Variants in ADAM18 observed in about 807,000 individuals in gnomAD.
The protein encoded by ADAM18 is ADAM metallopeptidase domain 18.
ADAM18 carries 117 observed loss-of-function variants against 94.4 expected under a neutral mutation model. The observed-to-expected ratio is 1.24, with a 90% CI of 1.07 to 1.45. The LOEUF (loss-of-function observed/expected upper bound fraction) is 1.45, where lower values mean the gene tolerates loss of function less well. Ranked by LOEUF, ADAM18 falls within the 40% of genes most tolerant of loss-of-function variation. ADAM18 has a pLI of 0.00. For synonymous variants in ADAM18, 327 were observed against 291.6 expected (o/e 1.12, Z -1.24); for missense variants, 936 against 880.0 (o/e 1.06, Z -0.81).
intron 7 of ADAM18, among the ~76,000 whole-genome samples, chr8:39,632,630 AT>A (rs1819960598): frequency 6.6e-6 from 1 of 151,842 alleles, no homozygotes; most frequent in African/African-American, 2.4e-5. Flanking sequence ...TCTTATAATG[AT>A]TTTTCTTCTT....
At chr8:39,672,834 A>G (rs1821192348) in intron 14 of ADAM18, among the ~76,000 whole-genome samples, 1 of 152,210 alleles carries the variant, frequency 6.6e-6, no homozygotes, top group Non-Finnish European at 1.5e-5. Flanking sequence ...ATTAATATCC[A>G]GAAGCCCAAT....
chr8:39,729,466 A>G (rs1563324230), intron 19 of ADAM18, among the ~76,000 whole-genome samples: 1 of 152,162 alleles, frequency 6.6e-6, no homozygotes, highest in Non-Finnish European at 1.5e-5. Flanking sequence ...TGAACTTCAT[A>G]TTAATGGGGA....
chr8:39,711,605 T>A (rs148110748), intron 18 of ADAM18, among the ~76,000 whole-genome samples: 133 of 152,124 alleles, frequency 8.7e-4, no homozygotes, highest in African/African-American at 3.2e-3. Flanking sequence ...AATGGTACAA[T>A]AACTAAAATT....
chr8:39,686,567 C>T (rs1341932609), intron 16 of ADAM18, among the ~76,000 whole-genome samples: 8 of 152,136 alleles, frequency 5.3e-5, no homozygotes, highest in Non-Finnish European at 8.8e-5. Context: ...TAGGTTTCAA[C>T]AGGTGAATTT....
chr8:39,585,960 T>C (rs1166825596), intron 2 of ADAM18, among the ~76,000 whole-genome samples: 1 of 152,150 alleles, frequency 6.6e-6, no homozygotes, highest in East Asian at 1.9e-4. Flanking sequence ...CACCTGAAAT[T>C]GACAGATTTA....
At chr8:39,667,103 C>G (rs1585959308) in intron 13 of ADAM18, among the ~76,000 whole-genome samples, 1 of 151,906 alleles carries the variant, frequency 6.6e-6, no homozygotes, top group Non-Finnish European at 1.5e-5. Context: ...AAAATGAGGC[C>G]AGGTGTGGTG....
chr8:39,597,557 A>G (rs896720486), intron 2 of ADAM18, among the ~76,000 whole-genome samples: 2 of 152,122 alleles, frequency 1.3e-5, no homozygotes, highest in African/African-American at 4.8e-5. Context: ...TGTATTTCCT[A>G]TGCTTTTTTG....
In ADAM18 at chr8:39,680,214, T is replaced by C; in HGVS notation, c.1809T>C (p.Cys603=). The change falls in exon 16 of 20, where the codon TGT becomes TGC. Residue 603 remains cysteine (C), a synonymous_variant. Transcript: ENST00000265707. ...CCTATGTGGCTGATGGCACCATGTG[T>C]GGTCCAGAAATGGTAACAAAATGTG... ...DNAYVADGTM[C]GPEMYCVNKT... 6.2e-7 allele frequency: 1 copy of C among 1,612,096 alleles called. No individual in the cohort carries two copies. Among genetic ancestry groups the C allele is most frequent in the Middle Eastern group, 1.7e-4 (1 of 6,054 alleles).
At chr8:39,663,763 C>G (rs1299451828) in intron 12 of ADAM18, 32 bp from the exon 13 acceptor site, 1 of 1,446,262 alleles carries the variant, frequency 6.9e-7, no homozygotes, top group South Asian at 1.2e-5. Flanking sequence ...AGTGGTTAAA[C>G]TGTAATAATA....
chr8:39,663,377 T>G lies in ADAM18; in HGVS notation c.1231-418T>G, dbSNP rs117159614. ...GCTGAGGCAGGAGGATCATTTGAACTAAGGAGTTTGAGACCAGCCTGGGCA... is the reference window on the plus strand; with the variant it reads ...GCTGAGGCAGGAGGATCATTTGAACGAAGGAGTTTGAGACCAGCCTGGGCA... On this transcript the variant is annotated intron_variant, in intron 12 of 19. Transcript: ENST00000265707. Among the ~76,000 whole-genome samples, 944 of 130,476 alleles carry G rather than the reference T, an allele frequency of 7.2e-3. 8 individuals are homozygous for G. Among genetic ancestry groups the G allele is most frequent in the Non-Finnish European group, 9.4e-3 (599 of 63,558 alleles). 85.6% of individuals were successfully genotyped at this position (130,476 alleles called of 152,430 possible).
At chr8:39,600,802 A>G (rs1467984313) in intron 2 of ADAM18, among the ~76,000 whole-genome samples, 2 of 152,316 alleles carry the variant, frequency 1.3e-5, no homozygotes, top group East Asian at 1.9e-4. Context: ...GGGTATAAAC[A>G]TGACTGGGGT....
chr8:39,661,001 T>A (rs1302440631), intron 12 of ADAM18, among the ~76,000 whole-genome samples: 2 of 152,066 alleles, frequency 1.3e-5, no homozygotes, highest in African/African-American at 4.8e-5. Flanking sequence ...CAGACTGTGA[T>A]GTTGAACAAT....
chr8:39,670,359 T>C (rs1234795543), intron 14 of ADAM18, among the ~76,000 whole-genome samples: 1 of 152,204 alleles, frequency 6.6e-6, no homozygotes, highest in African/African-American at 2.4e-5. Flanking sequence ...CATCCCCTAA[T>C]TCATTCATTT....
intron 13 of ADAM18, among the ~76,000 whole-genome samples, chr8:39,665,198 C>A (rs909576736): frequency 1.3e-5 from 2 of 152,100 alleles, no homozygotes; most frequent in South Asian, 2.1e-4. Flanking sequence ...ACAATATGTG[C>A]AAATGTGAAG....
At chr8:39,704,206 A>G (rs1316885728) in intron 17 of ADAM18, among the ~76,000 whole-genome samples, 2 of 152,140 alleles carry the variant, frequency 1.3e-5, no homozygotes, top group Admixed American at 6.6e-5. Context: ...AACTCATTCT[A>G]TGAGGACAGC....
At chr8:39,605,360 T>A (rs1224474137) in intron 2 of ADAM18, among the ~76,000 whole-genome samples, 1 of 152,182 alleles carries the variant, frequency 6.6e-6, no homozygotes, top group Non-Finnish European at 1.5e-5. Flanking sequence ...ATGAGCATTG[T>A]TAGTACCCAA....
chr8:39,727,073 A>C lies in ADAM18; in HGVS notation c.2178-2825A>C, dbSNP rs529352400. 2.6e-5 allele frequency among the ~76,000 whole-genome samples: 4 copies of C among 152,322 alleles called. No homozygotes were observed. The South Asian group carries it at 8.3e-4, about 32-fold the overall frequency. On this transcript the variant is annotated intron_variant, in intron 19 of 19. Coordinates refer to ENST00000265707, the MANE Select transcript of ADAM18 (RefSeq NM_014237.3). ...TTGTATACATCCTAAAAATGAATTT[A>C]TAATTTATTTCTAGCTATGACATTT...
In ADAM18 at chr8:39,704,727, G is replaced by T. The variant is rs561007669; in HGVS notation, c.1903-2063G>T. Among the ~76,000 whole-genome samples the T allele has an allele frequency of 1.4e-4, 21 of 152,056 alleles. 1 individual carries two copies. In the South Asian group the frequency reaches 4.1e-3, roughly 30 times the overall value. ...GCAGTTAAGGAGTGACCATTTTTGC[G>T]TTTGTACCTACCCTTTACCTTAAAC... is the stretch of plus-strand genomic sequence containing the variant. On this transcript the variant is annotated intron_variant, in intron 17 of 19. Transcript: ENST00000265707.
At chr8:39,695,086 T>C (rs189181686) in intron 17 of ADAM18, among the ~76,000 whole-genome samples, 1 of 151,566 alleles carries the variant, frequency 6.6e-6, no homozygotes, top group Admixed American at 6.6e-5. Context: ...TTGAATAATA[T>C]TCCACTGTAC....
Sources: allele counts gnomAD v4.1 joint callset (sites outside exome capture counted in the v4.1 genomes callset), GRCh38; gene constraint gnomAD v4.1.1; transcripts MANE v1.5; gene names NCBI Gene and HGNC (gene_info 2026-07-23, HGNC 2026-07-21).